HBB: variants seen among roughly 807,000 people sequenced by gnomAD.
HBB encodes hemoglobin subunit beta, also known as Hb Monza protein.
Under a neutral mutation model 9.7 loss-of-function variants are expected in HBB, and 18 were observed. The ratio of observed to expected loss-of-function variants is 1.86; its 90% confidence interval spans 1.28 to 2.76. The LOEUF (loss-of-function observed/expected upper bound fraction) is 2.76. Among genes scored for constraint, HBB ranks in the 30% most tolerant of loss-of-function variants. The pLI is 0.00. For missense variants in HBB, 156 were observed against 177.0 expected, an observed-to-expected ratio of 0.88 and a Z score of 0.67; for synonymous variants, 99 against 73.6, an observed-to-expected ratio of 1.35 and a Z score of -1.77.
At position 5,226,945 on chromosome 11, in the gene HBB, C is replaced by T. The variant is rs35474880; in HGVS notation, c.77G>A (p.Gly26Asp). Reference sequence around the variant, plus strand: ...TGATACCAACCTGCCCAGGGCCTCACCACCAACTTCATCCACGTTCACCTT... The same window carrying T: ...TGATACCAACCTGCCCAGGGCCTCATCACCAACTTCATCCACGTTCACCTT... Reference protein sequence around the residue: ...WGKVNVDEVGGEALGRLLVVY... With the variant: ...WGKVNVDEVGDEALGRLLVVY... The change falls in exon 1 of 3, where the codon GGT (glycine) becomes GAT (aspartate). Residue 26 changes from glycine to aspartate, a missense_variant. Physicochemically the swap from Gly to Asp is moderately conservative, Grantham distance 94 (BLOSUM62 -1). Transcript: ENST00000335295. 6.2e-7 allele frequency: 1 copy of T among 1,613,600 alleles called. No individual in the cohort carries two copies. Among genetic ancestry groups the T allele is most frequent in the South Asian group, 1.1e-5 (1 of 91,084 alleles).
chr11:5,225,729 G>A lies in HBB; in HGVS notation c.316-3C>T, dbSNP rs33913413. On this transcript the variant is annotated splice_region_variant and splice_polypyrimidine_tract_variant and intron_variant, in intron 2 of 2. Coordinates refer to ENST00000335295, the MANE Select transcript of HBB (RefSeq NM_000518.5). ...CAGACCAGCACGTTGCCCAGGAGCTGTGGGAGGAAGATAAGAGGTATGAAC... is the reference window on the plus strand; with the variant it reads ...CAGACCAGCACGTTGCCCAGGAGCTATGGGAGGAAGATAAGAGGTATGAAC... The A allele has an allele frequency of 3.8e-5, 61 of 1,613,864 alleles. No individual in the cohort carries two copies. The highest frequency in any genetic ancestry group is 5.0e-5 in the Non-Finnish European group (59 of 1,179,876).
rs1135071 is a variant in HBB, at chr11:5,226,799, C to A, written c.93G>T (p.Arg31Ser). 1.4e-4 allele frequency: 222 copies of A among 1,613,862 alleles called. No homozygotes were observed. Among genetic ancestry groups the A allele is most frequent in the Non-Finnish European group, 3.4e-6 (4 of 1,179,780 alleles). ...GGGTCCAAGGGTAGACCACCAGCAGCCTAAGGGTGGGAAAATAGACCAATA... is the reference window on the plus strand; with the variant it reads ...GGGTCCAAGGGTAGACCACCAGCAGACTAAGGGTGGGAAAATAGACCAATA... ...VDEVGGEALG[R>S]LLVVYPWTQR... is the part of the protein sequence containing the mutation. Residue 31 changes from arginine to serine, a missense_variant and splice_region_variant, in exon 2 of 3, where the codon AGG becomes AGT. Coordinates refer to ENST00000335295, the MANE Select transcript of HBB (RefSeq NM_000518.5).
In HBB at chr11:5,226,133, T is replaced by G. The variant is rs906834582; in HGVS notation, c.316-407A>C. On this transcript the variant is annotated intron_variant, in intron 2 of 2. Transcript: ENST00000335295. ...AATATGTGTACACATATTAAAACAT[T>G]ACACTTTAACCCATAAATATGTATA... 1 of 294,514 alleles carries G rather than the reference T, an allele frequency of 3.4e-6. No homozygotes were observed. Among genetic ancestry groups the G allele is most frequent in the Non-Finnish European group, 6.4e-6 (1 of 157,006 alleles). The allele number at this position is 294,514 out of a possible 1,614,324, so 18.2% of individuals were successfully genotyped here.
Position 5,225,575 on chromosome 11 carries a change from A to G in HBB, c.*23T>C. ...AGGGAACAAAGGAACCTTTAATAGA[A>G]ATTGGACAGCAAGAAAGCGAGCTTA... On this transcript the variant is annotated 3_prime_UTR_variant, in exon 3 of 3. Coordinates refer to ENST00000335295, the MANE Select transcript of HBB (RefSeq NM_000518.5). 6.2e-7 allele frequency: 1 copy of G among 1,613,718 alleles called. No individual in the cohort carries two copies. The highest frequency in any genetic ancestry group is 8.5e-7 in the Non-Finnish European group (1 of 1,179,666).
chr11:5,226,519 A>C, intron 2 of HBB, 58 bp downstream of exon 2: 1 of 1,499,052 alleles, frequency 6.7e-7, no homozygotes, highest in Non-Finnish European at 9.3e-7. Flanking sequence ...TTCCTATGAC[A>C]TGAACTTAAC....
In HBB at chr11:5,226,169, A is replaced by G. The variant is rs1323342312; in HGVS notation, c.315+408T>C. On this transcript the variant is annotated intron_variant, in intron 2 of 2. Transcript: ENST00000335295. Reference sequence around the variant, plus strand: ...CCATAAATATGTATAATGATTATGTATCAATTAAAAATAAAAGAAAATAAA... The same window carrying G: ...CCATAAATATGTATAATGATTATGTGTCAATTAAAAATAAAAGAAAATAAA... 5 of 309,622 alleles carry G rather than the reference A, an allele frequency of 1.6e-5. No individual in the cohort carries two copies. The allele number at this position is 309,622 out of a possible 1,614,324, so 19.2% of individuals were successfully genotyped here.
rs36092904 is a variant in HBB at position 5,226,691 on chromosome 11, T to C, written c.201A>G (p.Lys67=). Reference sequence around the variant, plus strand: ...GGCCATCACTAAAGGCACCGAGCACTTTCTTGCCATGAGCCTTCACCTTAG... The same window carrying C: ...GGCCATCACTAAAGGCACCGAGCACCTTCTTGCCATGAGCCTTCACCTTAG... ...GNPKVKAHGK[K]VLGAFSDGLA... is the part of the protein sequence containing the mutation. The change falls in exon 2 of 3, where the codon AAA becomes AAG. Residue 67 remains lysine (K), a synonymous_variant. Transcript: ENST00000335295. 6.2e-6 allele frequency: 10 copies of C among 1,614,134 alleles called. No homozygotes were observed. The highest frequency in any genetic ancestry group is 2.7e-5 in the African/African-American group (2 of 75,018).
rs33983276 is a variant in HBB, at chr11:5,225,668, G to C, written c.374C>G (p.Pro125Arg). Residue 125 changes from proline to arginine, a missense_variant, in exon 3 of 3, where the codon CCA becomes CGA. Physicochemically the swap from Pro to Arg is moderately radical, Grantham distance 103 (BLOSUM62 -2). Coordinates refer to ENST00000335295, the MANE Select transcript of HBB (RefSeq NM_000518.5). ...TTTCTGATAGGCAGCCTGCACTGGT[G>C]GGGTGAATTCTTTGCCAAAGTGATG... ...LAHHFGKEFT[P>R]PVQAAYQKVV... The C allele has an allele frequency of 6.2e-7, 1 of 1,613,798 alleles. No homozygotes were observed. The highest frequency in any genetic ancestry group is 8.5e-7 in the Non-Finnish European group (1 of 1,179,838).
In HBB at chr11:5,227,057, G is replaced by T; in HGVS notation, c.-36C>A. 1 of 1,381,726 alleles carries T rather than the reference G, an allele frequency of 7.2e-7. No individual in the cohort carries two copies. The highest frequency in any genetic ancestry group is 1.0e-6 in the Non-Finnish European group (1 of 966,990). The allele number at this position is 1,381,726 out of a possible 1,614,324, so 85.6% of individuals were successfully genotyped here. On this transcript the variant is annotated 5_prime_UTR_variant, in exon 1 of 3. Coordinates refer to ENST00000335295, the MANE Select transcript of HBB (RefSeq NM_000518.5). ...TGAGGTTGCTAGTGAACACAGTTGT[G>T]TCAGAAGCAAATGTAAGCAATAGAT...
In HBB at chr11:5,225,607, C is replaced by T. The variant is rs35020585; in HGVS notation, c.435G>A (p.Lys145=). The T allele has an allele frequency of 8.1e-6, 13 of 1,614,022 alleles. No homozygotes were observed. The highest frequency in any genetic ancestry group is 7.6e-6 in the Non-Finnish European group (9 of 1,180,004). ...CAGCAAGAAAGCGAGCTTAGTGATA[C>T]TTGTGGGCCAGGGCATTAGCCACAC... ...VAGVANALAH[K]YH is the part of the protein sequence containing the mutation. The change falls in exon 3 of 3, where the codon AAG becomes AAA. Residue 145 remains lysine, a synonymous_variant. Coordinates refer to ENST00000335295, the MANE Select transcript of HBB (RefSeq NM_000518.5).
Position 5,225,542 on chromosome 11 carries a change from T to A in HBB, c.*56A>T, listed in dbSNP as rs537944366. 1.0e-5 allele frequency: 16 copies of A among 1,578,648 alleles called. No homozygotes were observed. The highest frequency in any genetic ancestry group is 1.3e-5 in the Non-Finnish European group (15 of 1,147,910). ...TTCATAATATCCCCCAGTTTAGTAG[T>A]TGGACTTAGGGAACAAAGGAACCTT... On this transcript the variant is annotated 3_prime_UTR_variant, in exon 3 of 3. Coordinates refer to ENST00000335295, the MANE Select transcript of HBB (RefSeq NM_000518.5).
Position 5,225,494 on chromosome 11 carries a change from C to T in HBB, c.*104G>A, listed in dbSNP as rs1564873881. 1.9e-6 allele frequency: 2 copies of T among 1,049,384 alleles called. No homozygotes were observed. Among genetic ancestry groups the T allele is most frequent in the African/African-American group, 3.1e-5 (2 of 63,974 alleles). 65.0% of individuals were successfully genotyped at this position (1,049,384 alleles called of 1,614,324 possible). A position where few individuals can be genotyped will look rare whatever the true frequency, so the allele number is the denominator to read the frequency against. On this transcript the variant is annotated 3_prime_UTR_variant, in exon 3 of 3. Coordinates refer to ENST00000335295, the MANE Select transcript of HBB (RefSeq NM_000518.5). ...ATGAAAATAAATGTTTTTTATTAGGCAGAATCCAGATGCTCAAGGCCCTTC... is the reference window on the plus strand; with the variant it reads ...ATGAAAATAAATGTTTTTTATTAGGTAGAATCCAGATGCTCAAGGCCCTTC...
In HBB at chr11:5,226,176, AAAAAT is replaced by A. The variant is rs1310746626; in HGVS notation, c.315+396_315+400del. 1 of 313,980 alleles carries A rather than the reference AAAAAT, an allele frequency of 3.2e-6. No homozygotes were observed. Among genetic ancestry groups the A allele is most frequent in the Non-Finnish European group, 5.9e-6 (1 of 170,802 alleles). The allele number at this position is 313,980 out of a possible 1,614,324, so 19.4% of individuals were successfully genotyped here. The stretch of plus-strand genomic sequence containing the variant: ...TATGTATAATGATTATGTATCAATT[AAAAAT>A]AAAAGAAAATAAAGTAGGGAGATTA... On this transcript the variant is annotated intron_variant, in intron 2 of 2. Transcript: ENST00000335295.
rs1847538019 is a variant in HBB, at chr11:5,225,971, G to T, written c.316-245C>A. Among the ~76,000 whole-genome samples the T allele has an allele frequency of 6.6e-6, 1 of 152,024 alleles. No homozygotes were observed. The highest frequency in any genetic ancestry group is 6.6e-5 in the Admixed American group (1 of 15,266). On this transcript the variant is annotated intron_variant, in intron 2 of 2. Coordinates refer to ENST00000335295, the MANE Select transcript of HBB (RefSeq NM_000518.5). ...GTTATTCTTTAGAATGGTGCAAAGA[G>T]GCATGATACATTGTATCATTATTGC... is the stretch of plus-strand genomic sequence containing the variant.
rs63750532 is a variant in HBB, at chr11:5,226,779, CA to C, written c.112del (p.Trp38GlyfsTer24). ...ALGRLLVVYP[W>X]TQRFFESFGD... The stretch of plus-strand genomic sequence containing the variant: ...AAAGGACTCAAAGAACCTCTGGGTC[CA>C]AGGGTAGACCACCAGCAGCCTAAGG... On this transcript the variant is annotated frameshift_variant, in exon 2 of 3. Transcript: ENST00000335295. LOFTEE classifies it high-confidence loss of function. 1.9e-6 allele frequency: 3 copies of C among 1,614,122 alleles called. No individual in the cohort carries two copies. The highest frequency in any genetic ancestry group is 1.6e-4 in the Middle Eastern group (1 of 6,062).
At position 5,226,557 on chromosome 11, in the gene HBB, C is replaced by T; in HGVS notation, c.315+20G>A. On this transcript the variant is annotated intron_variant, in intron 2 of 2. Coordinates refer to ENST00000335295, the MANE Select transcript of HBB (RefSeq NM_000518.5). ...TAGAAAAGAAGGGGAAAGAAAACATCAAGCGTCCCATAGACTCACCCTGAA... is the reference window on the plus strand; with the variant it reads ...TAGAAAAGAAGGGGAAAGAAAACATTAAGCGTCCCATAGACTCACCCTGAA... 1.2e-6 allele frequency: 2 copies of T among 1,609,118 alleles called. No homozygotes were observed. Among genetic ancestry groups the T allele is most frequent in the East Asian group, 4.5e-5 (2 of 44,842 alleles).
At position 5,226,566 on chromosome 11, in the gene HBB, C is replaced by G. The variant is rs778382385; in HGVS notation, c.315+11G>C. The G allele has an allele frequency of 1.9e-6, 3 of 1,612,668 alleles. No individual in the cohort carries two copies. Among genetic ancestry groups the G allele is most frequent in the Non-Finnish European group, 2.5e-6 (3 of 1,178,834 alleles). Reference sequence around the variant, plus strand: ...AGGGGAAAGAAAACATCAAGCGTCCCATAGACTCACCCTGAAGTTCTCAGG... The same window carrying G: ...AGGGGAAAGAAAACATCAAGCGTCCGATAGACTCACCCTGAAGTTCTCAGG... On this transcript the variant is annotated intron_variant, in intron 2 of 2. Coordinates refer to ENST00000335295, the MANE Select transcript of HBB (RefSeq NM_000518.5).
At position 5,226,137 on chromosome 11, in the gene HBB, C is replaced by G. The variant is rs113426432; in HGVS notation, c.316-411G>C. ...TGTGTACACATATTAAAACATTACA[C>G]TTTAACCCATAAATATGTATAATGA... On this transcript the variant is annotated intron_variant, in intron 2 of 2. Transcript: ENST00000335295. The G allele has an allele frequency of 1.4e-5, 4 of 292,944 alleles. No homozygotes were observed. Among genetic ancestry groups the G allele is most frequent in the African/African-American group, 8.9e-5 (4 of 44,972 alleles). The allele number at this position is 292,944 out of a possible 1,614,324, so 18.1% of individuals were successfully genotyped here. A position where few individuals can be genotyped will look rare whatever the true frequency, so the allele number is the denominator to read the frequency against.
chr11:5,226,813 A>G lies in HBB; in HGVS notation c.93-14T>C, dbSNP rs1428777319. ...ACCACCAGCAGCCTAAGGGTGGGAAAATAGACCAATAGGCAGAGAGAGTCA... is the reference window on the plus strand; with the variant it reads ...ACCACCAGCAGCCTAAGGGTGGGAAGATAGACCAATAGGCAGAGAGAGTCA... On this transcript the variant is annotated splice_polypyrimidine_tract_variant and intron_variant, in intron 1 of 2. Transcript: ENST00000335295. 2 of 1,611,098 alleles carry G rather than the reference A, an allele frequency of 1.2e-6. No homozygotes were observed. Among genetic ancestry groups the G allele is most frequent in the East Asian group, 4.5e-5 (2 of 44,850 alleles).
Sources: gnomAD v4.1 joint callset for allele counts (sites outside exome capture counted in the v4.1 genomes callset) on GRCh38, gnomAD v4.1.1 for gene constraint, MANE v1.5 for transcripts, NCBI Gene and HGNC (gene_info 2026-07-23, HGNC 2026-07-21) for gene names.